ODAD2: variants seen among roughly 807,000 people sequenced by gnomAD.
The protein encoded by ODAD2 is outer dynein arm docking complex subunit 2.
ODAD2 carries 89 observed loss-of-function variants against 106.8 expected under a neutral mutation model. The ratio of observed to expected loss-of-function variants is 0.83; its 90% CI spans 0.70 to 0.99. ODAD2 has a LOEUF of 0.99. Ranked by LOEUF, ODAD2 falls within the 50% of genes least tolerant of loss-of-function variation. ODAD2 has a pLI of 0.00. For synonymous variants in ODAD2, 404 were observed against 436.2 expected, an observed-to-expected ratio of 0.93 and a Z score of 0.92; for missense variants, 1,168 against 1,238.5, an observed-to-expected ratio of 0.94 and a Z score of 0.85.
chr10:27,918,824 A>G (rs538711975), intron 16 of ODAD2, among the ~76,000 whole-genome samples: 4 of 152,000 alleles, frequency 2.6e-5, no homozygotes, highest in South Asian at 4.1e-4. Context: ...GAAAAAATAA[A>G]GTTAGCAAGT....
At chr10:27,817,419 A>C (rs1196864071) in intron 19 of ODAD2, among the ~76,000 whole-genome samples, 1 of 152,188 alleles carries the variant, frequency 6.6e-6, no homozygotes, top group African/African-American at 2.4e-5. Context: ...ACAGTGGTGA[A>C]GTCTGGGCTT....
intron 9 of ODAD2, 88 bp from the exon 10 acceptor site, chr10:27,961,803 G>C (rs1252784551): frequency 8.8e-7 from 1 of 1,137,152 alleles, no homozygotes; most frequent in Non-Finnish European, 1.2e-6. Context: ...AGTGGCTCAT[G>C]CCTATAATCT....
At chr10:27,996,119 T>C (rs147238676) in intron 1 of ODAD2, among the ~76,000 whole-genome samples, 126 of 152,370 alleles carry the variant, frequency 8.3e-4, no homozygotes, top group Admixed American at 7.4e-3. Context: ...TCTGACTTCA[T>C]AATGAACATT....
At chr10:27,973,578 A>G (rs201168271) in intron 7 of ODAD2, among the ~76,000 whole-genome samples, 1 of 152,168 alleles carries the variant, frequency 6.6e-6, no homozygotes, top group East Asian at 1.9e-4. Flanking sequence ...TAAGTGGAAC[A>G]GGGGGTAATA....
At chr10:27,895,108 T>C (rs573370401) in intron 17 of ODAD2, among the ~76,000 whole-genome samples, 9 of 152,028 alleles carry the variant, frequency 5.9e-5, no homozygotes, top group African/African-American at 1.9e-4. Flanking sequence ...CAGGTGATTT[T>C]TTTAATTTGC....
At chr10:27,844,982 T>G (rs551519242) in intron 19 of ODAD2, among the ~76,000 whole-genome samples, 56 of 152,280 alleles carry the variant, frequency 3.7e-4, no homozygotes, top group African/African-American at 1.3e-3. Context: ...ACATTCAATT[T>G]TTCCCAAGTG....
intron 19 of ODAD2, among the ~76,000 whole-genome samples, chr10:27,822,153 C>T (rs987040942): frequency 1.3e-5 from 2 of 152,200 alleles, no homozygotes; most frequent in Non-Finnish European, 2.9e-5. Context: ...CTGTGACCCA[C>T]AGTTCACATC....
chr10:27,962,573 C>G (rs1057474248), intron 9 of ODAD2, among the ~76,000 whole-genome samples: 3 of 152,232 alleles, frequency 2.0e-5, no homozygotes, highest in African/African-American at 7.2e-5. Flanking sequence ...TAATCAGGTT[C>G]AGGACCAAAG....
intron 19 of ODAD2, among the ~76,000 whole-genome samples, chr10:27,835,644 T>C (rs976783567): frequency 3.3e-5 from 5 of 152,178 alleles, no homozygotes; most frequent in Admixed American, 1.3e-4. Context: ...AGTTTGTATA[T>C]CATGTATATT....
intron 17 of ODAD2, among the ~76,000 whole-genome samples, chr10:27,867,791 A>C (rs1261976114): frequency 2.0e-5 from 3 of 152,064 alleles, no homozygotes; most frequent in Non-Finnish European, 4.4e-5. Flanking sequence ...CTCTACTATA[A>C]TACAAAAATT....
chr10:27,965,587 T>TA (rs2132907430), intron 9 of ODAD2, among the ~76,000 whole-genome samples: 1 of 152,174 alleles, frequency 6.6e-6, no homozygotes, highest in East Asian at 1.9e-4. Flanking sequence ...TGTCCATGGG[T>TA]AAGAGGAACC....
intron 16 of ODAD2, among the ~76,000 whole-genome samples, chr10:27,912,861 A>C (rs1844105232): frequency 6.6e-6 from 1 of 152,142 alleles, no homozygotes; most frequent in Non-Finnish European, 1.5e-5. Context: ...CCCTGGGAAA[A>C]ACAGATTAGA....
At chr10:27,903,473 T>C (rs1843359804) in intron 17 of ODAD2, among the ~76,000 whole-genome samples, 1 of 152,060 alleles carries the variant, frequency 6.6e-6, no homozygotes, top group Non-Finnish European at 1.5e-5. Context: ...GAGAAAGCAA[T>C]AAAGAGTATT....
chr10:27,893,428 C>G (rs970342087), intron 17 of ODAD2, among the ~76,000 whole-genome samples: 1 of 152,092 alleles, frequency 6.6e-6, no homozygotes. Flanking sequence ...TGGTAGGGGC[C>G]CTGAAGTAGC....
intron 19 of ODAD2, among the ~76,000 whole-genome samples, chr10:27,827,377 CACTATATA>C (rs1292969032): frequency 4.5e-4 from 26 of 57,210 alleles, no homozygotes; most frequent in Non-Finnish European, 2.1e-4. Flanking sequence ...CACACACACA[CACTATATA>C]TATATATATA....
chr10:27,820,480 T>C (rs1012382679), intron 19 of ODAD2, among the ~76,000 whole-genome samples: 1 of 152,046 alleles, frequency 6.6e-6, no homozygotes, highest in Non-Finnish European at 1.5e-5. Context: ...GTGTTGGCTA[T>C]TCCCGGAGTC....
chr10:27,854,916 C>T (rs952132345), intron 19 of ODAD2, among the ~76,000 whole-genome samples: 2 of 151,960 alleles, frequency 1.3e-5, no homozygotes, highest in Non-Finnish European at 2.9e-5. Context: ...AACAAAAAAA[C>T]CAAGTACTTA....
At position 27,984,283 on chromosome 10, in the gene ODAD2, T is replaced by A. The variant is rs138425193; in HGVS notation, c.583A>T (p.Ser195Cys). 1,115 of 1,607,216 alleles carry A rather than the reference T, an allele frequency of 6.9e-4. 1 individual carries two copies. Among genetic ancestry groups the A allele is most frequent in the Non-Finnish European group, 7.0e-4 (826 of 1,174,492 alleles). The change falls in exon 5 of 20, where the codon AGT becomes TGT. Residue 195 changes from serine to cysteine, a missense_variant. Ser to Cys is a moderately radical substitution (Grantham distance 112). Transcript: ENST00000305242. ...TTCTTCACCGTCATGGGACTTAAAC[T>A]TATTTCTCTGAAATAAATGTTTAAA... ...HSLKHISLEISLSPMTVKKDI... is the reference protein window; with the variant it reads ...HSLKHISLEICLSPMTVKKDI...
At chr10:27,882,220 A>AGAAAGAAAGAAAGAAG (rs1841783456) in intron 17 of ODAD2, among the ~76,000 whole-genome samples, 2 of 151,808 alleles carry the variant, frequency 1.3e-5, no homozygotes, top group Non-Finnish European at 2.9e-5. Context: ...AAAGAAAGAA[A>AGAAAGAAAGAAAGAAG]GAAAGAAAGA....
Sources: allele counts gnomAD v4.1 joint callset (sites outside exome capture counted in the v4.1 genomes callset), GRCh38; gene constraint gnomAD v4.1.1; transcripts MANE v1.5; gene names NCBI Gene and HGNC (gene_info 2026-07-23, HGNC 2026-07-21).